The following BCAR3 variants were observed in gnomAD, a reference collection of about 807,000 sequenced individuals.
The protein encoded by BCAR3 is breast cancer anti-estrogen resistance protein 3.
A neutral mutation model predicts 80.1 loss-of-function variants in BCAR3; 37 were observed. The ratio of observed to expected loss-of-function variants is 0.46; its 90% CI spans 0.36 to 0.61. The LOEUF (loss-of-function observed/expected upper bound fraction) is 0.61, where lower values mean the gene tolerates loss of function less well. BCAR3 is among the 20% of genes least tolerant of loss of function. BCAR3 has a pLI of 0.00. For missense variants in BCAR3, 978 were observed against 1,068.2 expected (o/e 0.92, Z 1.18); for synonymous variants, 389 against 418.9 (o/e 0.93, Z 0.87).
chr1:93,587,029 C>T lies in BCAR3; in HGVS notation c.929+1948G>A, dbSNP rs144509975. ...AACTCAGGTAATCCACCTGCCTCGGCCTCCCAAATTGTTGGGATTACAGGC... is the reference window on the plus strand; with the variant it reads ...AACTCAGGTAATCCACCTGCCTCGGTCTCCCAAATTGTTGGGATTACAGGC... On this transcript the variant is annotated intron_variant, in intron 5 of 11. Transcript: ENST00000260502. 1.0e-3 allele frequency among the ~76,000 whole-genome samples: 153 copies of T among 152,318 alleles called. 1 individual carries two copies. The highest frequency in any genetic ancestry group is 3.1e-3 in the African/African-American group (127 of 41,566).
intron 2 of BCAR3, among the ~76,000 whole-genome samples, chr1:93,836,426 G>A (rs1654769897): frequency 6.6e-6 from 1 of 151,252 alleles, no homozygotes; most frequent in South Asian, 2.1e-4. Flanking sequence ...TAATTTTTCA[G>A]TTCATACAAA....
At chr1:93,662,778 C>T (rs1647723587) in intron 2 of BCAR3, among the ~76,000 whole-genome samples, 1 of 152,192 alleles carries the variant, frequency 6.6e-6, no homozygotes, top group African/African-American at 2.4e-5. Context: ...TAGCTACTAA[C>T]GATGACTGCT....
chr1:93,729,159 T>C (rs934253477), intron 2 of BCAR3, among the ~76,000 whole-genome samples: 2 of 152,186 alleles, frequency 1.3e-5, no homozygotes, highest in African/African-American at 2.4e-5. Context: ...TCGAAAACCA[T>C]ACAGATGATC....
At chr1:93,655,583 C>T (rs1647347186) in intron 2 of BCAR3, among the ~76,000 whole-genome samples, 1 of 152,182 alleles carries the variant, frequency 6.6e-6, no homozygotes. Flanking sequence ...TTAGCAAATA[C>T]CTTTGCCTCC....
intron 3 of BCAR3, among the ~76,000 whole-genome samples, chr1:93,617,242 TAGA>T (rs1478204414): frequency 6.6e-6 from 1 of 152,158 alleles, no homozygotes; most frequent in Non-Finnish European, 1.5e-5. Context: ...CGGTCCCTGC[TAGA>T]AGATCAGGCT....
At chr1:93,618,200 G>A (rs1330949889) in intron 3 of BCAR3, among the ~76,000 whole-genome samples, 1 of 152,226 alleles carries the variant, frequency 6.6e-6, no homozygotes, top group Non-Finnish European at 1.5e-5. Context: ...CTTAGTGGGA[G>A]GAGGGCAGGC....
At chr1:93,579,151 CT>C (rs1282574166) in intron 7 of BCAR3, among the ~76,000 whole-genome samples, 2 of 152,176 alleles carry the variant, frequency 1.3e-5, no homozygotes, top group African/African-American at 4.8e-5. Context: ...ACCCACTGTC[CT>C]GATGGCCTAT....
chr1:93,822,328 C>T (rs1208417550), intron 2 of BCAR3, among the ~76,000 whole-genome samples: 1 of 149,262 alleles, frequency 6.7e-6, no homozygotes, highest in South Asian at 2.1e-4. Flanking sequence ...CTCAGCTCAC[C>T]ATCTCGCATG....
chr1:93,798,777 G>GT (rs1159318904), intron 2 of BCAR3, among the ~76,000 whole-genome samples: 1 of 152,098 alleles, frequency 6.6e-6, no homozygotes, highest in African/African-American at 2.4e-5. Flanking sequence ...TGTGAACCAG[G>GT]TAACATCAGC....
At chr1:93,716,672 G>A (rs560433959) in intron 2 of BCAR3, among the ~76,000 whole-genome samples, 1 of 152,340 alleles carries the variant, frequency 6.6e-6, no homozygotes, top group East Asian at 1.9e-4. Context: ...TCATGAGCAG[G>A]TGACCACCAT....
At chr1:93,622,861 T>C (rs903522142) in intron 3 of BCAR3, among the ~76,000 whole-genome samples, 1 of 152,188 alleles carries the variant, frequency 6.6e-6, no homozygotes, top group Non-Finnish European at 1.5e-5. Context: ...AAGATTTGGG[T>C]ACGCCTTGCA....
intron 11 of BCAR3, 136 bp downstream of exon 11, chr1:93,567,143 C>T: frequency 1.9e-6 from 2 of 1,048,532 alleles, no homozygotes; most frequent in Non-Finnish European, 2.7e-6. Flanking sequence ...AATAACTAGC[C>T]ATATAGGAAA....
chr1:93,759,157 G>T (rs967878383), intron 2 of BCAR3, among the ~76,000 whole-genome samples: 1 of 152,158 alleles, frequency 6.6e-6, no homozygotes, highest in Non-Finnish European at 1.5e-5. Flanking sequence ...AATGTTTAAA[G>T]TGTGGCCAAG....
intron 2 of BCAR3, among the ~76,000 whole-genome samples, chr1:93,732,379 C>T (rs897905132): frequency 2.0e-5 from 3 of 152,128 alleles, no homozygotes; most frequent in African/African-American, 4.8e-5. Flanking sequence ...CTTTGGGAGG[C>T]CAAGGTTGGT....
In BCAR3 at chr1:93,576,138, A is replaced by T; in HGVS notation, c.1687-9T>A. On this transcript the variant is annotated splice_polypyrimidine_tract_variant and intron_variant, in intron 7 of 11. Transcript: ENST00000260502. ...CCAAGTATCCTAGCAACCTGTCAAG[A>T]GCCAAAGTTGAAATACACTGGATCA... is the stretch of plus-strand genomic sequence containing the variant. The T allele has an allele frequency of 1.2e-6, 2 of 1,610,128 alleles. No homozygotes were observed. Among genetic ancestry groups the T allele is most frequent in the Non-Finnish European group, 1.7e-6 (2 of 1,176,384 alleles).
At chr1:93,623,623 A>G (rs2101892390) in intron 3 of BCAR3, among the ~76,000 whole-genome samples, 1 of 152,340 alleles carries the variant, frequency 6.6e-6, no homozygotes, top group Middle Eastern at 3.4e-3. Context: ...AGGCAGATGC[A>G]AGAGACTAAG....
chr1:93,647,083 T>C (rs920500957), intron 2 of BCAR3, among the ~76,000 whole-genome samples: 4 of 152,240 alleles, frequency 2.6e-5, no homozygotes, highest in African/African-American at 7.2e-5. Flanking sequence ...AGGTAAAATA[T>C]CTTTGTCTAA....
intron 11 of BCAR3, among the ~76,000 whole-genome samples, chr1:93,565,695 A>AACATACAGCCAATCCTGGAGAACTTTTTG (rs1672918047): frequency 6.6e-6 from 1 of 152,190 alleles, no homozygotes; most frequent in Non-Finnish European, 1.5e-5. Context: ...TTGTTTGAGT[A>AACATACAGCCAATCCTGGAGAACTTTTTG]ACATACAGCC....
intron 2 of BCAR3, among the ~76,000 whole-genome samples, chr1:93,799,569 G>T (rs1374234209): frequency 6.6e-6 from 1 of 152,058 alleles, no homozygotes; most frequent in African/African-American, 2.4e-5. Flanking sequence ...TTTCCCAAAT[G>T]TTTTATTTCT....
Sources: gnomAD v4.1 joint callset for allele counts (sites outside exome capture counted in the v4.1 genomes callset) on GRCh38, gnomAD v4.1.1 for gene constraint, MANE v1.5 for transcripts, NCBI Gene and HGNC (gene_info 2026-07-23, HGNC 2026-07-21) for gene names.